PTPRN2: variants seen among roughly 807,000 people sequenced by gnomAD.
The protein encoded by PTPRN2 is protein tyrosine phosphatase receptor type N2, also known as receptor-type tyrosine-protein phosphatase N2.
PTPRN2 carries 74 observed loss-of-function variants against 118.8 expected under a neutral mutation model. The observed-to-expected ratio is 0.62, with a 90% CI of 0.52 to 0.76. The LOEUF is 0.76. Ranked by LOEUF, PTPRN2 falls within the 30% of genes least tolerant of loss-of-function variation. PTPRN2 has a pLI of 0.00. For missense variants in PTPRN2, 1,481 were observed against 1,394.4 expected (o/e 1.06, Z -0.99); for synonymous variants, 641 against 608.0 (o/e 1.05, Z -0.80).
At chr7:157,743,031 C>T (rs1800722046) in intron 12 of PTPRN2, among the ~76,000 whole-genome samples, 1 of 152,134 alleles carries the variant, frequency 6.6e-6, no homozygotes, top group South Asian at 2.1e-4. Flanking sequence ...TGAAGAGAAC[C>T]TTGTAATGAA....
chr7:157,954,404 T>C (rs1292679599), intron 11 of PTPRN2, among the ~76,000 whole-genome samples: 1 of 150,288 alleles, frequency 6.7e-6, no homozygotes, highest in Non-Finnish European at 1.5e-5. Context: ...GGTGCCTGTG[T>C]ACTGTGTGTG....
chr7:158,342,068 C>T (rs1430016423), intron 2 of PTPRN2, among the ~76,000 whole-genome samples: 2 of 133,426 alleles, frequency 1.5e-5, no homozygotes, highest in Non-Finnish European at 3.2e-5. Context: ...TACTCACATC[C>T]ACACTCTCAC....
chr7:157,741,419 C>A (rs578117497), intron 12 of PTPRN2, among the ~76,000 whole-genome samples: 1 of 152,328 alleles, frequency 6.6e-6, no homozygotes, highest in Admixed American at 6.5e-5. Flanking sequence ...TAGTCCCCCA[C>A]TGAAGGCTCT....
chr7:158,039,179 C>T (rs916967421), intron 11 of PTPRN2, among the ~76,000 whole-genome samples: 19 of 152,294 alleles, frequency 1.2e-4, no homozygotes, highest in East Asian at 3.9e-4. Flanking sequence ...AAGGTATCTG[C>T]GTGGATAAAT....
intron 6 of PTPRN2, among the ~76,000 whole-genome samples, chr7:158,150,102 C>T (rs755522230): frequency 5.3e-5 from 8 of 152,110 alleles, no homozygotes; most frequent in Admixed American, 2.0e-4. Flanking sequence ...AGAAGGCTGC[C>T]GTGGGTGTTC....
chr7:157,662,539 A>G (rs769899291), intron 13 of PTPRN2, among the ~76,000 whole-genome samples: 1 of 152,094 alleles, frequency 6.6e-6, no homozygotes, highest in Non-Finnish European at 1.5e-5. Context: ...GGAGGAGGGG[A>G]CCCTCCCTGA....
At chr7:157,751,412 T>C (rs1217974143) in intron 12 of PTPRN2, among the ~76,000 whole-genome samples, 4 of 152,144 alleles carry the variant, frequency 2.6e-5, no homozygotes, top group Admixed American at 2.6e-4. Flanking sequence ...TTAAATTAAA[T>C]GTCAGATGTA....
chr7:158,176,326 T>C (rs1243493816), intron 5 of PTPRN2, among the ~76,000 whole-genome samples: 1 of 152,204 alleles, frequency 6.6e-6, no homozygotes, highest in Non-Finnish European at 1.5e-5. Context: ...CAGGCTGTTT[T>C]CGGCTTTACA....
At chr7:157,790,124 G>GGT (rs1279007380) in intron 12 of PTPRN2, among the ~76,000 whole-genome samples, 1 of 144,812 alleles carries the variant, frequency 6.9e-6, no homozygotes, top group Non-Finnish European at 1.5e-5. Context: ...GTGTGTGTGT[G>GGT]GTGTGTGTGT....
chr7:158,159,320 A>G (rs1822149984), intron 6 of PTPRN2, among the ~76,000 whole-genome samples: 2 of 152,270 alleles, frequency 1.3e-5, no homozygotes. Flanking sequence ...TTCCGAGTGC[A>G]CTTCCCACAT....
At chr7:157,882,688 G>C (rs1796211162) in intron 12 of PTPRN2, among the ~76,000 whole-genome samples, 1 of 145,794 alleles carries the variant, frequency 6.9e-6, no homozygotes, top group East Asian at 2.1e-4. Context: ...CCCCAAAAAT[G>C]ACTGTCGGAG....
intron 3 of PTPRN2, among the ~76,000 whole-genome samples, chr7:158,309,385 G>A (rs867810994): frequency 7.2e-5 from 5 of 69,560 alleles, no homozygotes; most frequent in Admixed American, 1.5e-4. Flanking sequence ...TCCTGCCTTC[G>A]AACCTCGGAC....
rs56040599 is a variant in PTPRN2 at position 158,469,735 on chromosome 7, CAA to C, written c.163+19998_163+19999del. The stretch of plus-strand genomic sequence containing the variant: ...CAGCAAGTGAGAGAGAAAACCTGGC[CAA>C]AAAAAAAAAAAAAAAAATGCAAAGA... On this transcript the variant is annotated intron_variant, in intron 2 of 22. Coordinates refer to ENST00000389418, the MANE Select transcript of PTPRN2 (RefSeq NM_002847.5). Among the ~76,000 whole-genome samples, 73 of 67,500 alleles carry C rather than the reference CAA, an allele frequency of 1.1e-3. 1 individual carries two copies. The highest frequency in any genetic ancestry group is 2.7e-3 in the African/African-American group (56 of 21,020). 44.3% of individuals were successfully genotyped at this position (67,500 alleles called of 152,430 possible).
At chr7:158,154,120 C>A (rs574002223) in intron 6 of PTPRN2, among the ~76,000 whole-genome samples, 1 of 152,124 alleles carries the variant, frequency 6.6e-6, no homozygotes, top group Non-Finnish European at 1.5e-5. Context: ...GGATGAGAGT[C>A]CTGCTGGTCA....
At chr7:158,189,137 C>T (rs900605103) in intron 5 of PTPRN2, among the ~76,000 whole-genome samples, 2 of 152,220 alleles carry the variant, frequency 1.3e-5, no homozygotes, top group African/African-American at 4.8e-5. Context: ...TCACTCTCAA[C>T]GAGTTCCTGC....
intron 10 of PTPRN2, among the ~76,000 whole-genome samples, chr7:158,105,865 C>T (rs999243330): frequency 6.6e-6 from 1 of 152,036 alleles, no homozygotes; most frequent in African/African-American, 2.4e-5. Flanking sequence ...CTCCACCCAG[C>T]TTCATCCCAT....
chr7:157,593,223 C>G (rs1248281694), intron 17 of PTPRN2, among the ~76,000 whole-genome samples: 21 of 119,006 alleles, frequency 1.8e-4, no homozygotes, highest in African/African-American at 2.6e-4. Flanking sequence ...CCTACTGAAC[C>G]GAGGGTGGAT....
intron 12 of PTPRN2, among the ~76,000 whole-genome samples, chr7:157,752,274 C>T (rs1801518880): frequency 6.6e-6 from 1 of 152,228 alleles, no homozygotes; most frequent in South Asian, 2.1e-4. Flanking sequence ...TAAGTGCTGC[C>T]TCAACAACAT....
chr7:158,354,086 C>T (rs1808208354), intron 2 of PTPRN2, among the ~76,000 whole-genome samples: 1 of 152,234 alleles, frequency 6.6e-6, no homozygotes, highest in African/African-American at 2.4e-5. Flanking sequence ...CCCTTTGGGA[C>T]ATCTGCTTTG....
Sources: gnomAD v4.1 joint callset for allele counts (sites outside exome capture counted in the v4.1 genomes callset) on GRCh38, gnomAD v4.1.1 for gene constraint, MANE v1.5 for transcripts, NCBI Gene and HGNC (gene_info 2026-07-23, HGNC 2026-07-21) for gene names.